The following GRID2 variants were observed in gnomAD, a reference collection of about 807,000 sequenced individuals.
The protein encoded by GRID2 is glutamate ionotropic receptor delta type subunit 2.
Under a neutral mutation model 114.8 loss-of-function variants are expected in GRID2, and 33 were observed. The observed-to-expected ratio is 0.29, with a 90% CI of 0.22 to 0.38. The LOEUF (loss-of-function observed/expected upper bound fraction) is 0.38. Among genes scored for constraint, GRID2 ranks in the 10% least tolerant of loss-of-function variants. GRID2 has a pLI of 1.00. For synonymous variants in GRID2, 505 were observed against 449.9 expected (o/e 1.12, Z -1.55); for missense variants, 1,184 against 1,257.7 (o/e 0.94, Z 0.89).
At chr4:92,761,725 T>C (rs1016412431) in intron 2 of GRID2, among the ~76,000 whole-genome samples, 2 of 152,052 alleles carry the variant, frequency 1.3e-5, no homozygotes, top group African/African-American at 4.8e-5. Flanking sequence ...CTCCACTCCA[T>C]CCACCTGTCC....
intron 2 of GRID2, among the ~76,000 whole-genome samples, chr4:93,047,262 G>A (rs985414810): frequency 6.6e-6 from 1 of 152,016 alleles, no homozygotes; most frequent in Non-Finnish European, 1.5e-5. Context: ...AGCCTGGTTG[G>A]AATTCTGGCA....
intron 1 of GRID2, among the ~76,000 whole-genome samples, chr4:92,564,586 A>G (rs1269151628): frequency 6.6e-6 from 1 of 152,008 alleles, no homozygotes; most frequent in Non-Finnish European, 1.5e-5. Flanking sequence ...ATCCCTTATC[A>G]GTACTGAGAA....
chr4:93,795,388 C>A (rs1734777084), intron 1 of GRID2, among the ~76,000 whole-genome samples: 1 of 151,734 alleles, frequency 6.6e-6, no homozygotes, highest in South Asian at 2.1e-4. Context: ...AATCATATAC[C>A]TTTACTTAAT....
intron 10 of GRID2, among the ~76,000 whole-genome samples, chr4:93,438,142 G>A (rs1302042302): frequency 6.6e-6 from 1 of 152,082 alleles, no homozygotes; most frequent in Non-Finnish European, 1.5e-5. Flanking sequence ...TGGGCACTGT[G>A]CCTGGCATCA....
chr4:92,750,520 G>T (rs897241429), intron 2 of GRID2, among the ~76,000 whole-genome samples: 1 of 152,190 alleles, frequency 6.6e-6, no homozygotes, highest in African/African-American at 2.4e-5. Context: ...ATGTGTGCTA[G>T]AATGGTGCTA....
chr4:92,576,126 C>G (rs1727880448), intron 1 of GRID2, among the ~76,000 whole-genome samples: 1 of 152,130 alleles, frequency 6.6e-6, no homozygotes, highest in Non-Finnish European at 1.5e-5. Flanking sequence ...GAGAAGTCAG[C>G]ACTTTATCTA....
intron 13 of GRID2, among the ~76,000 whole-genome samples, chr4:93,624,722 C>T (rs1429293732): frequency 6.6e-6 from 1 of 152,030 alleles, no homozygotes; most frequent in Non-Finnish European, 1.5e-5. Context: ...TGGAGTTTAA[C>T]TATTACTTCT....
At chr4:92,509,962 G>C (rs980000160) in intron 1 of GRID2, among the ~76,000 whole-genome samples, 9 of 151,858 alleles carry the variant, frequency 5.9e-5, no homozygotes, top group Non-Finnish European at 1.3e-4. Flanking sequence ...AGAAAAATGG[G>C]AAGACAACTA....
At chr4:93,146,699 AT>A (rs1322431425) in intron 4 of GRID2, among the ~76,000 whole-genome samples, 57 of 26,496 alleles carry the variant, frequency 2.2e-3, no homozygotes, top group African/African-American at 0.011. Flanking sequence ...TACCTAAGTG[AT>A]TTAAAAAAAA....
chr4:92,576,368 C>A (rs564855204), intron 1 of GRID2, among the ~76,000 whole-genome samples: 11 of 152,334 alleles, frequency 7.2e-5, no homozygotes, highest in African/African-American at 2.6e-4. Flanking sequence ...GTCCCTCCCC[C>A]AGAGGGCTCC....
chr4:92,989,066 C>T (rs1335780330), intron 2 of GRID2, among the ~76,000 whole-genome samples: 3 of 151,678 alleles, frequency 2.0e-5, no homozygotes, highest in Non-Finnish European at 2.9e-5. Context: ...TCACGAGGTC[C>T]GGAGATGGAG....
chr4:93,533,986 G>A (rs1731766867), intron 13 of GRID2, among the ~76,000 whole-genome samples: 1 of 152,054 alleles, frequency 6.6e-6, no homozygotes, highest in African/African-American at 2.4e-5. Context: ...TTTCTGGCTT[G>A]GCTTATCTGG....
At chr4:92,788,567 G>A (rs766745675) in intron 2 of GRID2, among the ~76,000 whole-genome samples, 1 of 151,720 alleles carries the variant, frequency 6.6e-6, no homozygotes, top group Non-Finnish European at 1.5e-5. Context: ...AAATATGAAA[G>A]CATTCTCATG....
At chr4:93,036,463 A>G (rs1724942682) in intron 2 of GRID2, among the ~76,000 whole-genome samples, 1 of 152,208 alleles carries the variant, frequency 6.6e-6, no homozygotes, top group Non-Finnish European at 1.5e-5. Context: ...ATAGAAACAA[A>G]TACTCTAGGA....
chr4:92,945,088 T>G (rs928423640), intron 2 of GRID2, among the ~76,000 whole-genome samples: 1 of 152,190 alleles, frequency 6.6e-6, no homozygotes, highest in Non-Finnish European at 1.5e-5. Context: ...AAATTAGATT[T>G]TAACTGTTCC....
At chr4:93,486,312 C>A (rs926862309) in intron 11 of GRID2, among the ~76,000 whole-genome samples, 1 of 151,500 alleles carries the variant, frequency 6.6e-6, no homozygotes, top group Non-Finnish European at 1.5e-5. Flanking sequence ...ACTTTTGTTT[C>A]ATTCTTTCCA....
At chr4:92,686,896 AT>A (rs1733934041) in intron 2 of GRID2, among the ~76,000 whole-genome samples, 1 of 152,146 alleles carries the variant, frequency 6.6e-6, no homozygotes, top group Non-Finnish European at 1.5e-5. Context: ...TTTTCAAAAA[AT>A]ATGTGTTTCA....
intron 1 of GRID2, among the ~76,000 whole-genome samples, chr4:92,476,683 T>A (rs191256710): frequency 2.0e-5 from 3 of 152,062 alleles, no homozygotes; most frequent in Non-Finnish European, 2.9e-5. Context: ...AAGAAAAAAA[T>A]TTCGTATGTT....
intron 8 of GRID2, among the ~76,000 whole-genome samples, chr4:93,343,321 T>C (rs1342506837): frequency 6.6e-6 from 1 of 152,118 alleles, no homozygotes; most frequent in Non-Finnish European, 1.5e-5. Context: ...TCTTTAATTA[T>C]TTTGTATGAA....
Sources: allele counts gnomAD v4.1 joint callset (sites outside exome capture counted in the v4.1 genomes callset), GRCh38; gene constraint gnomAD v4.1.1; transcripts MANE v1.5; gene names NCBI Gene and HGNC (gene_info 2026-07-23, HGNC 2026-07-21).